ZC3HC1: variants seen among roughly 807,000 people sequenced by gnomAD.
ZC3HC1 encodes the protein zinc finger C3HC-type containing 1.
Under a neutral mutation model 61.9 loss-of-function variants are expected in ZC3HC1, and 38 were observed. The observed-to-expected ratio is 0.61, with a 90% CI of 0.47 to 0.81. The LOEUF (loss-of-function observed/expected upper bound fraction) is 0.81. Among genes scored for constraint, ZC3HC1 ranks in the 30% least tolerant of loss-of-function variants. The pLI is 0.00. For synonymous variants in ZC3HC1, 213 were observed against 229.9 expected, an observed-to-expected ratio of 0.93 and a Z score of 0.67; for missense variants, 554 against 622.7, an observed-to-expected ratio of 0.89 and a Z score of 1.17.
rs777097804 is a variant in ZC3HC1, at chr7:130,022,490, A to T, written c.1269T>A (p.Ser423=). ...TSSRSFFDPT[S]QHRDWCPWVN... ...CCCAAGGGCACCAGTCTCTATGCTG[A>T]GAGGTGGGATCAAAGAAGCTTCGGG... The change falls in exon 9 of 10, where the codon TCT becomes TCA. Residue 423 remains serine, a synonymous_variant. Transcript: ENST00000358303. The T allele has an allele frequency of 1.2e-5, 20 of 1,613,542 alleles. No homozygotes were observed. The highest frequency in any genetic ancestry group is 1.6e-4 in the Middle Eastern group (1 of 6,084).
At chr7:130,041,164 G>GTGTA in intron 2 of ZC3HC1, 63 bp from the exon 3 acceptor site, 3 of 1,514,168 alleles carry the variant, frequency 2.0e-6, no homozygotes, top group Non-Finnish European at 2.7e-6. Context: ...ATGTGTGTGT[G>GTGTA]TGTGTGTGTG....
intron 4 of ZC3HC1, among the ~76,000 whole-genome samples, chr7:130,034,574 A>G (rs1183014257): frequency 6.6e-6 from 1 of 151,168 alleles, no homozygotes; most frequent in Non-Finnish European, 1.5e-5. Flanking sequence ...AGCTCACTAT[A>G]ACTTGGAATT....
chr7:130,024,474 A>T lies in ZC3HC1; in HGVS notation c.809T>A (p.Ile270Lys), dbSNP rs747974929. The change falls in exon 7 of 10, where the codon ATA becomes AAA. Residue 270 changes from isoleucine to lysine, a missense_variant. Ile to Lys is a moderately radical substitution (Grantham distance 102). Transcript: ENST00000358303. ...CTTCCTCATACATTGCGAACATGTT[A>T]TCAGGGAGAGCTGCATGGATTCCAA... Reference protein sequence around the residue: ...SSLESMQLSLITCSQCMRKVG... With the variant: ...SSLESMQLSLKTCSQCMRKVG... The T allele has an allele frequency of 6.2e-7, 1 of 1,613,662 alleles. No homozygotes were observed. Among genetic ancestry groups the T allele is most frequent in the Non-Finnish European group, 8.5e-7 (1 of 1,179,810 alleles).
At chr7:130,030,982 T>C (rs981559876) in intron 4 of ZC3HC1, among the ~76,000 whole-genome samples, 1 of 151,780 alleles carries the variant, frequency 6.6e-6, no homozygotes, top group Non-Finnish European at 1.5e-5. Context: ...TTGTGATGTT[T>C]TAACTCTTGT....
intron 3 of ZC3HC1, among the ~76,000 whole-genome samples, chr7:130,040,024 T>C (rs934258307): frequency 1.3e-5 from 2 of 151,444 alleles, no homozygotes; most frequent in Non-Finnish European, 2.9e-5. Context: ...CCGGCCCCCA[T>C]GTATCTTATA....
Position 130,049,044 on chromosome 7 carries a change from C to T in ZC3HC1, c.247G>A (p.Glu83Lys), listed in dbSNP as rs775738259. The T allele has an allele frequency of 2.3e-5, 37 of 1,598,518 alleles. No individual in the cohort carries two copies. The highest frequency in any genetic ancestry group is 2.9e-5 in the Non-Finnish European group (34 of 1,173,664). The change falls in exon 2 of 10, where the codon GAA becomes AAA. Residue 83 changes from glutamate to lysine, a missense_variant. Glu to Lys is a moderately conservative substitution (Grantham distance 56, BLOSUM62 1). Coordinates refer to ENST00000358303, the MANE Select transcript of ZC3HC1 (RefSeq NM_016478.5). ...CTAAAAAAGGATATAGAAAATGTTT[C>T]CACTCTGCTAAAGAAGGCTTCTTTG... ...TSKEAFFSRV[E>K]TFSSLKWAGK...
Position 130,026,187 on chromosome 7 carries a change from ACAGG to A in ZC3HC1, c.743_746del (p.Ala248ValfsTer21). ...ACGCCCAGCCACACACAGAGAGAAT[ACAGG>A]CAGTGACGTGGACTTGGATGTCTGA... On this transcript the variant is annotated frameshift_variant, in exon 6 of 10. Coordinates refer to ENST00000358303, the MANE Select transcript of ZC3HC1 (RefSeq NM_016478.5). LOFTEE classifies it high-confidence loss of function. 6.2e-7 allele frequency: 1 copy of A among 1,614,170 alleles called. No homozygotes were observed. The highest frequency in any genetic ancestry group is 8.5e-7 in the Non-Finnish European group (1 of 1,180,006).
At chr7:130,027,849 A>G (rs917550323) in intron 5 of ZC3HC1, among the ~76,000 whole-genome samples, 1 of 151,764 alleles carries the variant, frequency 6.6e-6, no homozygotes, top group East Asian at 2.0e-4. Flanking sequence ...TTCTACTCAC[A>G]AGGAGAAAGG....
At chr7:130,021,742 T>G (rs1206150864) in intron 9 of ZC3HC1, among the ~76,000 whole-genome samples, 1 of 152,204 alleles carries the variant, frequency 6.6e-6, no homozygotes, top group Non-Finnish European at 1.5e-5. Context: ...TCTGTTTCCG[T>G]ACTCCTTTTC....
intron 2 of ZC3HC1, among the ~76,000 whole-genome samples, chr7:130,041,509 C>A: frequency 6.9e-6 from 1 of 144,730 alleles, no homozygotes; most frequent in African/African-American, 2.5e-5. Flanking sequence ...TCATAAATTA[C>A]AATCTTAACT....
At position 130,049,158 on chromosome 7, in the gene ZC3HC1, G is replaced by A; in HGVS notation, c.147-14C>T. 1.3e-6 allele frequency: 2 copies of A among 1,577,330 alleles called. No individual in the cohort carries two copies. Among genetic ancestry groups the A allele is most frequent in the Non-Finnish European group, 1.7e-6 (2 of 1,162,244 alleles). On this transcript the variant is annotated splice_polypyrimidine_tract_variant and intron_variant, in intron 1 of 9. Coordinates refer to ENST00000358303, the MANE Select transcript of ZC3HC1 (RefSeq NM_016478.5). ...GACGTGTCCTTCCTAATATAAAGTG[G>A]CAAAACTGTTGGTAAACCTTTCACA...
intron 4 of ZC3HC1, among the ~76,000 whole-genome samples, chr7:130,034,207 A>G (rs920598357): frequency 3.4e-5 from 5 of 146,640 alleles, no homozygotes; most frequent in Non-Finnish European, 1.5e-5. Flanking sequence ...CAGGGTCGGC[A>G]GGGCATTTTG....
chr7:130,036,118 T>G (rs1168332752), intron 4 of ZC3HC1, among the ~76,000 whole-genome samples: 3 of 152,108 alleles, frequency 2.0e-5, no homozygotes, highest in Non-Finnish European at 4.4e-5. Context: ...TGCCTGTTTT[T>G]TTTTTTTTTT....
In ZC3HC1 at chr7:130,049,100, T is replaced by A; in HGVS notation, c.191A>T (p.Gln64Leu). 6.2e-7 allele frequency: 1 copy of A among 1,610,122 alleles called. No individual in the cohort carries two copies. Among genetic ancestry groups the A allele is most frequent in the Non-Finnish European group, 8.5e-7 (1 of 1,178,342 alleles). Reference sequence around the variant, plus strand: ...AGATTCCAATGAAGGTTGTTCCGCTTGGGGTGATCCATTAACTGACTGGGA... The same window carrying A: ...AGATTCCAATGAAGGTTGTTCCGCTAGGGGTGATCCATTAACTGACTGGGA... ...ATSQSVNGSP[Q>L]AEQPSLESTS... The change falls in exon 2 of 10, where the codon CAA (glutamine) becomes CTA (leucine). Residue 64 changes from glutamine to leucine, a missense_variant. By Grantham distance (113) the Gln-to-Leu change is moderately radical. Coordinates refer to ENST00000358303, the MANE Select transcript of ZC3HC1 (RefSeq NM_016478.5).
chr7:130,024,704 G>C (rs1178456343), intron 6 of ZC3HC1, among the ~76,000 whole-genome samples, 198 bp from the exon 7 acceptor site: 1 of 151,914 alleles, frequency 6.6e-6, no homozygotes, highest in African/African-American at 2.4e-5. Context: ...AAGACCTCGG[G>C]TTCTTAGTGT....
intron 2 of ZC3HC1, among the ~76,000 whole-genome samples, chr7:130,041,806 C>T (rs753267016): frequency 6.6e-6 from 1 of 152,028 alleles, no homozygotes; most frequent in Non-Finnish European, 1.5e-5. Context: ...CAATTACAGG[C>T]GTGAGCCACT....
At chr7:130,042,012 A>G (rs1794694365) in intron 2 of ZC3HC1, among the ~76,000 whole-genome samples, 1 of 152,156 alleles carries the variant, frequency 6.6e-6, no homozygotes, top group African/African-American at 2.4e-5. Context: ...TGTGTTTAAA[A>G]TGTTTATTGG....
chr7:130,047,678 C>CAT (rs10700573), intron 2 of ZC3HC1, among the ~76,000 whole-genome samples: 4 of 148,540 alleles, frequency 2.7e-5, no homozygotes, highest in African/African-American at 7.4e-5. Context: ...CACACACACA[C>CAT]GGGTAGGGGT....
At chr7:130,044,269 C>T (rs867511314) in intron 2 of ZC3HC1, among the ~76,000 whole-genome samples, 1 of 152,172 alleles carries the variant, frequency 6.6e-6, no homozygotes, top group African/African-American at 2.4e-5. Context: ...ATTCTCCCAC[C>T]TGGGCCTCCC....
Sources: gnomAD v4.1 joint callset for allele counts (sites outside exome capture counted in the v4.1 genomes callset) on GRCh38, gnomAD v4.1.1 for gene constraint, MANE v1.5 for transcripts, NCBI Gene and HGNC (gene_info 2026-07-23, HGNC 2026-07-21) for gene names.